Variants in ZNF804B observed in about 807,000 individuals in gnomAD.
The protein encoded by ZNF804B is zinc finger 804B.
A neutral mutation model predicts 101.4 loss-of-function variants in ZNF804B; 80 were observed. The ratio of observed to expected loss-of-function variants is 0.79; its 90% CI spans 0.66 to 0.95. The LOEUF is 0.95. Ranked by LOEUF, ZNF804B falls within the 40% of genes least tolerant of loss-of-function variation. The pLI is 0.00. For synonymous variants in ZNF804B, 622 were observed against 558.8 expected (o/e 1.11, Z -1.59); for missense variants, 1,673 against 1,561.9 (o/e 1.07, Z -1.20).
At chr7:89,184,708 CATTTTTAGGAAGTGACTCAAGTT>C (rs1276809319) in intron 1 of ZNF804B, among the ~76,000 whole-genome samples, 1 of 152,082 alleles carries the variant, frequency 6.6e-6, no homozygotes, top group African/African-American at 2.4e-5. Context: ...CACCTTTTAT[CATTTTTAGGAAGTGACTCAAGTT>C]ACTCTAGAGA....
Position 89,277,300 on chromosome 7 carries a change from A to G in ZNF804B, c.250-50044A>G, listed in dbSNP as rs561769492. On this transcript the variant is annotated intron_variant, in intron 2 of 3. Transcript: ENST00000333190. ...GATGCTAAGATCTACCATCAAAAAC[A>G]TCTAAAGGAGTTTTTTTCTTTTTTT... Among the ~76,000 whole-genome samples the G allele has an allele frequency of 2.0e-5, 3 of 150,222 alleles. No individual in the cohort carries two copies. The East Asian group carries it at 5.8e-4, about 29-fold the overall frequency.
At chr7:89,121,391 T>C (rs541008258) in intron 1 of ZNF804B, among the ~76,000 whole-genome samples, 4 of 152,238 alleles carry the variant, frequency 2.6e-5, no homozygotes, top group African/African-American at 9.6e-5. Context: ...ATTTTTAACA[T>C]TTTTCTCTAT....
At chr7:89,096,375 A>T (rs1562883631) in intron 1 of ZNF804B, among the ~76,000 whole-genome samples, 1 of 152,094 alleles carries the variant, frequency 6.6e-6, no homozygotes, top group Non-Finnish European at 1.5e-5. Flanking sequence ...TAAAGGAAAG[A>T]GTTGCCCCAG....
intron 1 of ZNF804B, among the ~76,000 whole-genome samples, chr7:88,954,629 G>T (rs1204250014): frequency 1.3e-5 from 2 of 150,802 alleles, no homozygotes; most frequent in African/African-American, 4.9e-5. Context: ...CAATCACATT[G>T]TACTCCAAAA....
chr7:88,808,438 G>T (rs1423539095), intron 1 of ZNF804B, among the ~76,000 whole-genome samples: 3 of 150,884 alleles, frequency 2.0e-5, no homozygotes, highest in African/African-American at 4.9e-5. Flanking sequence ...TTTTAAGTAG[G>T]TCTTCTTTCC....
At chr7:89,320,002 G>GCTCATCAT (rs1334092572) in intron 2 of ZNF804B, among the ~76,000 whole-genome samples, 3 of 149,870 alleles carry the variant, frequency 2.0e-5, no homozygotes, top group Non-Finnish European at 4.4e-5. Flanking sequence ...AGAACATATT[G>GCTCATCAT]CTCATCATCA....
intron 1 of ZNF804B, among the ~76,000 whole-genome samples, chr7:88,881,941 G>A (rs2115909187): frequency 6.6e-6 from 1 of 152,248 alleles, no homozygotes; most frequent in African/African-American, 2.4e-5. Context: ...TCAGTGCAGA[G>A]TATTAACATT....
chr7:88,921,712 T>C (rs188814500), intron 1 of ZNF804B, among the ~76,000 whole-genome samples: 169 of 152,176 alleles, frequency 1.1e-3, no homozygotes, highest in Non-Finnish European at 1.9e-3. Context: ...TCATTCTCAT[T>C]AGTGTCCCCA....
rs76678840 is a variant in ZNF804B at position 88,759,708 on chromosome 7, C to T, written c.-269C>T. 0.083 allele frequency: 38,521 copies of T among 462,810 alleles called. 2,005 individuals are homozygous for T. Among genetic ancestry groups the T allele is most frequent in the South Asian group, 0.17 (5,315 of 31,724 alleles). 28.7% of individuals were successfully genotyped at this position (462,810 alleles called of 1,614,324 possible). A position where few individuals can be genotyped will look rare whatever the true frequency, so the allele number is the denominator to read the frequency against. On this transcript the variant is annotated 5_prime_UTR_variant, in exon 1 of 4. Transcript: ENST00000333190. ...CTGGCCCGCGGTTGAGCAGCCACCT[C>T]GTCAGAGCAGCATGTGGACTGGCTC...
intron 1 of ZNF804B, among the ~76,000 whole-genome samples, chr7:89,125,336 ATATT>A (rs1411489405): frequency 3.9e-5 from 6 of 151,912 alleles, no homozygotes; most frequent in African/African-American, 7.2e-5. Context: ...GAATGTATAT[ATATT>A]ATATATCTAT....
intron 1 of ZNF804B, among the ~76,000 whole-genome samples, chr7:88,787,180 C>A (rs1008482694): frequency 6.6e-6 from 1 of 152,028 alleles, no homozygotes; most frequent in Non-Finnish European, 1.5e-5. Context: ...GAGAAAGAGA[C>A]AAGAGAAAAC....
intron 1 of ZNF804B, chr7:88,794,230 T>C (rs1215726205): frequency 6.2e-7 from 1 of 1,613,220 alleles, no homozygotes; most frequent in Non-Finnish European, 8.5e-7. Context: ...CAGAGTGATG[T>C]GTATGGGTCT....
chr7:89,324,607 C>CTTTTTTTTTTT (rs35905388), intron 2 of ZNF804B, among the ~76,000 whole-genome samples: 9 of 109,554 alleles, frequency 8.2e-5, no homozygotes, highest in Non-Finnish European at 1.1e-4. Flanking sequence ...TACCTTCTTA[C>CTTTTTTTTTTT]TTTTTTTTTT....
intron 1 of ZNF804B, among the ~76,000 whole-genome samples, chr7:88,807,376 G>A (rs534817317): frequency 1.3e-5 from 2 of 152,258 alleles, no homozygotes; most frequent in South Asian, 4.2e-4. Context: ...TTTTGTATGG[G>A]TAGGGTGATG....
chr7:89,258,515 A>G (rs985905662), intron 2 of ZNF804B, among the ~76,000 whole-genome samples: 2 of 152,186 alleles, frequency 1.3e-5, no homozygotes, highest in Admixed American at 6.5e-5. Context: ...CATAAGCTGC[A>G]ATGCTCTGTA....
chr7:89,315,600 T>G (rs1790712889), intron 2 of ZNF804B, among the ~76,000 whole-genome samples: 1 of 152,264 alleles, frequency 6.6e-6, no homozygotes, highest in Non-Finnish European at 1.5e-5. Context: ...TATACATTGA[T>G]TTTATTGATT....
chr7:88,832,291 C>G (rs1791145322), intron 1 of ZNF804B, among the ~76,000 whole-genome samples: 1 of 151,886 alleles, frequency 6.6e-6, no homozygotes, highest in Non-Finnish European at 1.5e-5. Context: ...AATTTGCTAA[C>G]TTAGAATATC....
Position 89,334,896 on chromosome 7 carries a change from A to G in ZNF804B, c.1914A>G (p.Lys638=), listed in dbSNP as rs144233896. 1.9e-6 allele frequency: 3 copies of G among 1,613,812 alleles called. No individual in the cohort carries two copies. The highest frequency in any genetic ancestry group is 1.1e-5 in the South Asian group (1 of 91,076). ...ACATCTCTAGGTTTAAAAAGCATAA[A>G]TTGATTCCCTGCAGTCCTCATTTGG... ...PSYISRFKKH[K]LIPCSPHLEF... Residue 638 remains lysine, a synonymous_variant, in exon 4 of 4, where the codon AAA becomes AAG. Coordinates refer to ENST00000333190, the MANE Select transcript of ZNF804B (RefSeq NM_181646.5).
intron 1 of ZNF804B, among the ~76,000 whole-genome samples, chr7:88,838,831 T>G (rs1417623857): frequency 1.3e-5 from 2 of 151,988 alleles, no homozygotes; most frequent in East Asian, 1.9e-4. Context: ...AACCTGCCCT[T>G]AACATAGTAA....
Sources: allele counts gnomAD v4.1 joint callset (sites outside exome capture counted in the v4.1 genomes callset), GRCh38; gene constraint gnomAD v4.1.1; transcripts MANE v1.5; gene names NCBI Gene and HGNC (gene_info 2026-07-23, HGNC 2026-07-21).